The following MIEF1 variants were observed in gnomAD, a reference collection of about 807,000 sequenced individuals.
MIEF1 encodes the protein mitochondrial dynamics protein MIEF1.
MIEF1 carries 14 observed loss-of-function variants against 35.1 expected under a neutral mutation model. That is an observed-to-expected ratio of 0.40 (90% confidence interval 0.26 to 0.62). MIEF1 has a LOEUF of 0.62. Among genes scored for constraint, MIEF1 ranks in the 20% least tolerant of loss-of-function variants. The pLI, the probability that MIEF1 is intolerant of heterozygous loss-of-function variation, is 0.43. For synonymous variants in MIEF1, 245 were observed against 254.3 expected (o/e 0.96, Z 0.35); for missense variants, 542 against 615.4 (o/e 0.88, Z 1.26).
chr22:39,501,162 G>A (rs1040269405), upstream of MIEF1, among the ~76,000 whole-genome samples: 1 of 152,154 alleles, frequency 6.6e-6, no homozygotes, highest in Admixed American at 6.5e-5. Context: ...GTTCTGGTAA[G>A]GGCCTCCCCT....
chr22:39,508,376 C>T (rs767692623), intron 2 of MIEF1, among the ~76,000 whole-genome samples: 10 of 152,240 alleles, frequency 6.6e-5, no homozygotes, highest in Non-Finnish European at 1.0e-4. Context: ...GAGGCTGCTT[C>T]TGCCCTGAGT....
intron 5 of MIEF1, 41 bp downstream of exon 5, chr22:39,512,535 G>T: frequency 1.3e-6 from 2 of 1,575,526 alleles, no homozygotes; most frequent in South Asian, 1.2e-5. Context: ...TTTGAGTGCT[G>T]AGCACCATAG....
Position 39,512,427 on chromosome 22 carries a change from G to C in MIEF1, c.518G>C (p.Arg173Pro). 1 of 1,614,094 alleles carries C rather than the reference G, an allele frequency of 6.2e-7. No homozygotes were observed. Among genetic ancestry groups the C allele is most frequent in the Non-Finnish European group, 8.5e-7 (1 of 1,179,988 alleles). Residue 173 changes from arginine to proline, a missense_variant, in exon 5 of 6, where the codon CGG becomes CCG. Arg to Pro is a moderately radical substitution (Grantham distance 103). Transcript: ENST00000325301. ...TGTGCCGAGCTCCGGAGCTTCCTGCGGGCCAAGTTGCCTGACATGCCGCTT... is the reference window on the plus strand; with the variant it reads ...TGTGCCGAGCTCCGGAGCTTCCTGCCGGCCAAGTTGCCTGACATGCCGCTT... ...DICAELRSFL[R>P]AKLPDMPLRD...
intron 2 of MIEF1, among the ~76,000 whole-genome samples, chr22:39,507,426 T>C (rs1482779017): frequency 6.6e-6 from 1 of 151,776 alleles, no homozygotes; most frequent in Admixed American, 6.6e-5. Context: ...TTTGTGTTTT[T>C]AGTAGAGACA....
At chr22:39,506,162 C>T (rs1368963938) in intron 2 of MIEF1, among the ~76,000 whole-genome samples, 1 of 152,088 alleles carries the variant, frequency 6.6e-6, no homozygotes, top group Admixed American at 6.6e-5. Context: ...GCTATCACTA[C>T]CCCCTCAAAA....
chr22:39,515,259 A>ACTGCGTTC lies in MIEF1; in HGVS notation c.*937_*938insTGCGTTCC. On this transcript the variant is annotated 3_prime_UTR_variant, in exon 6 of 6. Coordinates refer to ENST00000325301, the MANE Select transcript of MIEF1 (RefSeq NM_019008.6). ...AGGCCTTGAAGGAACGCAGCCTTAGACATCAGGTGAGGATGATGGAGGTAG... is the reference window on the plus strand; with the variant it reads ...AGGCCTTGAAGGAACGCAGCCTTAGACTGCGTTCCATCAGGTGAGGATGATGGAGGTAG... The ACTGCGTTC allele has an allele frequency of 1.4e-6, 1 of 717,334 alleles. No individual in the cohort carries two copies. The highest frequency in any genetic ancestry group is 2.6e-6 in the Non-Finnish European group (1 of 385,048). 44.4% of individuals were successfully genotyped at this position (717,334 alleles called of 1,614,324 possible).
intron 5 of MIEF1, among the ~76,000 whole-genome samples, 191 bp downstream of exon 5, chr22:39,512,685 C>T (rs1016657417): frequency 2.1e-4 from 32 of 152,038 alleles, no homozygotes; most frequent in African/African-American, 6.5e-4. Context: ...CTCACTCTGT[C>T]GCCCAGGCTG....
rs1361983414 is a variant in MIEF1, at chr22:39,513,536, T to C, written c.605T>C (p.Ile202Thr). ...DDLQVVTADHIQLIVPLVLEQ... is the reference protein window; with the variant it reads ...DDLQVVTADHTQLIVPLVLEQ... ...TGACAGGTGGTGACAGCTGACCACA[T>C]CCAACTCATTGTGCCCCTTGTGCTG... Residue 202 changes from isoleucine to threonine, a missense_variant, in exon 6 of 6, where the codon ATC becomes ACC. Transcript: ENST00000325301. 3 of 1,614,106 alleles carry C rather than the reference T, an allele frequency of 1.9e-6. No individual in the cohort carries two copies. Among genetic ancestry groups the C allele is most frequent in the South Asian group, 2.2e-5 (2 of 91,086 alleles).
intron 2 of MIEF1, among the ~76,000 whole-genome samples, chr22:39,508,661 C>T (rs1039615118): frequency 6.6e-6 from 1 of 152,204 alleles, no homozygotes. Context: ...AACGTTATCT[C>T]TTCTCCCTGG....
Position 39,513,971 on chromosome 22 carries a change from C to T in MIEF1, c.1040C>T (p.Ala347Val), listed in dbSNP as rs1930515666. 1.9e-6 allele frequency: 3 copies of T among 1,613,090 alleles called. No individual in the cohort carries two copies. Among genetic ancestry groups the T allele is most frequent in the South Asian group, 1.1e-5 (1 of 91,088 alleles). The change falls in exon 6 of 6, where the codon GCA becomes GTA. Residue 347 changes from alanine (A) to valine (V), a missense_variant. Ala to Val is a moderately conservative substitution (Grantham distance 64). Transcript: ENST00000325301. ...CTGAGCCTGCGTCCCGCGGAGACGGCACGCCTGCGGGCTCTGGACCAGGCT... is the reference window on the plus strand; with the variant it reads ...CTGAGCCTGCGTCCCGCGGAGACGGTACGCCTGCGGGCTCTGGACCAGGCT... ...WRLSLRPAET[A>V]RLRALDQADS...
Position 39,517,604 on chromosome 22 carries a change from CATG to C in MIEF1, c.*3284_*3286del, listed in dbSNP as rs1930744095. 2.1e-6 allele frequency: 1 copy of C among 471,180 alleles called. No individual in the cohort carries two copies. Among genetic ancestry groups the C allele is most frequent in the Non-Finnish European group, 4.4e-6 (1 of 227,052 alleles). The allele number at this position is 471,180 out of a possible 1,614,324, so 29.2% of individuals were successfully genotyped here. The stretch of plus-strand genomic sequence containing the variant: ...ACTGCGAGTGTCCAGAGCTCTCTGC[CATG>C]ATACTTCCTTGGGACTGACTTGGCT... On this transcript the variant is annotated 3_prime_UTR_variant, in exon 6 of 6. Coordinates refer to ENST00000325301, the MANE Select transcript of MIEF1 (RefSeq NM_019008.6).
chr22:39,513,091 C>T (rs1055135533), intron 5 of MIEF1, among the ~76,000 whole-genome samples: 1 of 150,318 alleles, frequency 6.7e-6, no homozygotes, highest in Non-Finnish European at 1.5e-5. Context: ...TGCATGGTGA[C>T]ATGAAAGAAT....
intron 2 of MIEF1, 44 bp from the exon 3 acceptor site, chr22:39,511,244 T>C: frequency 1.9e-6 from 3 of 1,609,530 alleles, no homozygotes; most frequent in Non-Finnish European, 2.5e-6. Context: ...AGGGAGGTTC[T>C]TGGGGTCCCA....
chr22:39,505,380 G>A (rs1439917142), intron 2 of MIEF1, among the ~76,000 whole-genome samples: 1 of 152,004 alleles, frequency 6.6e-6, no homozygotes, highest in Admixed American at 6.6e-5. Flanking sequence ...TTTTTGTAGA[G>A]ACGGTCTTGC....
rs1421105553 is a variant in MIEF1 at position 39,515,098 on chromosome 22, G to A, written c.*775G>A. 7 of 610,436 alleles carry A rather than the reference G, an allele frequency of 1.1e-5. No individual in the cohort carries two copies. The highest frequency in any genetic ancestry group is 2.1e-5 in the Non-Finnish European group (7 of 337,766). 37.8% of individuals were successfully genotyped at this position (610,436 alleles called of 1,614,324 possible). A position where few individuals can be genotyped will look rare whatever the true frequency, so the allele number is the denominator to read the frequency against. On this transcript the variant is annotated 3_prime_UTR_variant, in exon 6 of 6. Coordinates refer to ENST00000325301, the MANE Select transcript of MIEF1 (RefSeq NM_019008.6). ...AGAGCTGGTTAAGGGCCTAGTGAAGGGTTTGTGTGCCCAGTGTCTGCTCGT... is the reference window on the plus strand; with the variant it reads ...AGAGCTGGTTAAGGGCCTAGTGAAGAGTTTGTGTGCCCAGTGTCTGCTCGT...
chr22:39,504,382 G>A lies in MIEF1; in HGVS notation c.-160G>A, dbSNP rs571130572. Reference sequence around the variant, plus strand: ...CAGAAGCTAGAGGACGCTGAGGCCCGGGAGAGGCAGCTGGAGAAGGGCCTG... The same window carrying A: ...CAGAAGCTAGAGGACGCTGAGGCCCAGGAGAGGCAGCTGGAGAAGGGCCTG... On this transcript the variant is annotated 5_prime_UTR_variant, in exon 2 of 6. Transcript: ENST00000325301. 1.0e-5 allele frequency: 4 copies of A among 399,058 alleles called. No homozygotes were observed. Among genetic ancestry groups the A allele is most frequent in the African/African-American group, 4.1e-5 (2 of 48,718 alleles). The allele number at this position is 399,058 out of a possible 1,614,324, so 24.7% of individuals were successfully genotyped here.
At chr22:39,505,636 T>C (rs1448417362) in intron 2 of MIEF1, among the ~76,000 whole-genome samples, 1 of 152,190 alleles carries the variant, frequency 6.6e-6, no homozygotes, top group Non-Finnish European at 1.5e-5. Flanking sequence ...TCTTCTTATG[T>C]GGGGACCATC....
chr22:39,509,959 G>A (rs951395498), intron 2 of MIEF1, among the ~76,000 whole-genome samples: 5 of 152,086 alleles, frequency 3.3e-5, no homozygotes, highest in African/African-American at 9.7e-5. Context: ...TGACTGTGTC[G>A]TTTTGTTTTC....
intron 4 of MIEF1, 60 bp from the exon 5 acceptor site, chr22:39,512,172 C>G: frequency 6.4e-7 from 1 of 1,573,386 alleles, no homozygotes; most frequent in Non-Finnish European, 8.6e-7. Flanking sequence ...GGGGCTGAGG[C>G]AGCTGTGGAC....
Sources: allele counts gnomAD v4.1 joint callset (sites outside exome capture counted in the v4.1 genomes callset), GRCh38; gene constraint gnomAD v4.1.1; transcripts MANE v1.5; gene names NCBI Gene and HGNC (gene_info 2026-07-23, HGNC 2026-07-21).